The following RPS6KA2 variants were observed in gnomAD, a reference collection of about 807,000 sequenced individuals.
The protein encoded by RPS6KA2 is ribosomal protein S6 kinase A2.
RPS6KA2 carries 42 observed loss-of-function variants against 91.8 expected under a neutral mutation model. The ratio of observed to expected loss-of-function variants is 0.46; its 90% CI spans 0.36 to 0.59. RPS6KA2 has a LOEUF of 0.59. Among genes scored for constraint, RPS6KA2 ranks in the 20% least tolerant of loss-of-function variants. RPS6KA2 has a pLI of 0.00. For missense variants in RPS6KA2, 798 were observed against 978.5 expected, an observed-to-expected ratio of 0.82 and a Z score of 2.46; for synonymous variants, 414 against 393.6, an observed-to-expected ratio of 1.05 and a Z score of -0.61.
At chr6:166,717,701 C>A (rs758723194) in intron 2 of RPS6KA2, among the ~76,000 whole-genome samples, 1 of 152,108 alleles carries the variant, frequency 6.6e-6, no homozygotes, top group Non-Finnish European at 1.5e-5. Flanking sequence ...CCAGAGTGCA[C>A]CAGAAACACA....
chr6:166,812,053 C>T (rs914302524), intron 2 of RPS6KA2, among the ~76,000 whole-genome samples: 11 of 152,226 alleles, frequency 7.2e-5, no homozygotes, highest in African/African-American at 1.9e-4. Flanking sequence ...TCCTGGAAAA[C>T]GAGTGGATGA....
Position 166,493,412 on chromosome 6 carries a change from C to G in RPS6KA2, c.748-2671G>C, listed in dbSNP as rs766049705. Among the ~76,000 whole-genome samples the G allele has an allele frequency of 6.6e-6, 1 of 152,106 alleles. No homozygotes were observed. Among genetic ancestry groups the G allele is most frequent in the Non-Finnish European group, 1.5e-5 (1 of 68,028 alleles). Reference sequence around the variant, plus strand: ...CGAAGCATTACTGACTGAGGTTTTGCTGATGAGTTTCTTGGGACGTTATTT... The same window carrying G: ...CGAAGCATTACTGACTGAGGTTTTGGTGATGAGTTTCTTGGGACGTTATTT... On this transcript the variant is annotated intron_variant, in intron 8 of 20. Coordinates refer to ENST00000265678, the MANE Select transcript of RPS6KA2 (RefSeq NM_021135.6). The surrounding 1 kb of genome is among the most constrained non-coding windows in gnomAD (Gnocchi z 4.7).
At chr6:166,599,902 G>A (rs754573982) in intron 1 of RPS6KA2, among the ~76,000 whole-genome samples, 11 of 152,108 alleles carry the variant, frequency 7.2e-5, no homozygotes, top group Admixed American at 2.0e-4. Flanking sequence ...CCATCTCCCT[G>A]AGCCCTGCCT....
intron 10 of RPS6KA2, among the ~76,000 whole-genome samples, chr6:166,477,597 C>T (rs972751830): frequency 6.6e-6 from 1 of 152,166 alleles, no homozygotes; most frequent in African/African-American, 2.4e-5. Context: ...CCTCTCCCAG[C>T]AATATAATAA....
Position 166,560,298 on chromosome 6 carries a change from G to A in RPS6KA2, c.100-21514C>T, listed in dbSNP as rs1182225989. 5.9e-5 allele frequency among the ~76,000 whole-genome samples: 9 copies of A among 152,218 alleles called. 1 individual carries two copies. The highest frequency in any genetic ancestry group is 7.2e-5 in the African/African-American group (3 of 41,454). On this transcript the variant is annotated intron_variant, in intron 1 of 20. Coordinates refer to ENST00000265678, the MANE Select transcript of RPS6KA2 (RefSeq NM_021135.6). ...TTCAATGCGCTTACATGAAATACTG[G>A]TTTTTATTTCAAAGAACAACTAGTC...
chr6:166,804,181 T>A (rs1353188798), intron 2 of RPS6KA2, among the ~76,000 whole-genome samples: 4 of 147,048 alleles, frequency 2.7e-5, no homozygotes, highest in African/African-American at 5.0e-5. Context: ...AAAAAAAAAA[T>A]ACTTAACTAG....
intron 2 of RPS6KA2, among the ~76,000 whole-genome samples, chr6:166,835,734 A>G (rs1436287631): frequency 6.6e-6 from 1 of 152,176 alleles, no homozygotes; most frequent in East Asian, 1.9e-4. Context: ...TATAACTTAC[A>G]TTTCTTTTTT....
intron 2 of RPS6KA2, among the ~76,000 whole-genome samples, chr6:166,838,369 T>C (rs1780373713): frequency 6.6e-6 from 1 of 152,184 alleles, no homozygotes; most frequent in Admixed American, 6.5e-5. Context: ...AATAGCATTG[T>C]GCTTATGGAG....
chr6:166,609,997 T>G (rs1247732131), intron 1 of RPS6KA2, among the ~76,000 whole-genome samples: 3 of 152,234 alleles, frequency 2.0e-5, no homozygotes, highest in African/African-American at 7.2e-5. Context: ...TTTCTAATCA[T>G]TCCTACTCAT....
intron 10 of RPS6KA2, among the ~76,000 whole-genome samples, chr6:166,477,926 G>T (rs972676490): frequency 2.6e-5 from 4 of 152,190 alleles, no homozygotes; most frequent in Non-Finnish European, 5.9e-5. Context: ...GAAAGGAGAG[G>T]AAACAGTGAC....
Position 166,767,324 on chromosome 6 carries a change from A to G in RPS6KA2, c.123+90876T>C, listed in dbSNP as rs1446136526. On this transcript the variant is annotated intron_variant, in intron 2 of 21. Transcript: ENST00000503859. The surrounding 1 kb of genome is among the most constrained non-coding windows in gnomAD (Gnocchi z 4.6). ...GAGGCACGGAACGATTTGATGAAAA[A>G]GACAGAGGAAAACAGAAAAATCACT... Among the ~76,000 whole-genome samples the G allele has an allele frequency of 1.3e-5, 2 of 152,234 alleles. No homozygotes were observed. Among genetic ancestry groups the G allele is most frequent in the Non-Finnish European group, 2.9e-5 (2 of 68,042 alleles).
At position 166,612,615 on chromosome 6, in the gene RPS6KA2, G is replaced by C. The variant is rs1430052834; in HGVS notation, c.99+14306C>G. 1.3e-5 allele frequency among the ~76,000 whole-genome samples: 2 copies of C among 152,196 alleles called. No individual in the cohort carries two copies. The highest frequency in any genetic ancestry group is 4.8e-5 in the African/African-American group (2 of 41,444). On this transcript the variant is annotated intron_variant, in intron 1 of 20. Coordinates refer to ENST00000265678, the MANE Select transcript of RPS6KA2 (RefSeq NM_021135.6). The surrounding 1 kb of genome is among the most constrained non-coding windows in gnomAD (Gnocchi z 4.3). The stretch of plus-strand genomic sequence containing the variant: ...AATCCTGCTCATCTGACCGAGGTCA[G>C]ACACTGCTTTGCAGAGCCCGTGGGC...
chr6:166,703,149 A>G (rs1366141172), intron 2 of RPS6KA2, among the ~76,000 whole-genome samples: 1 of 152,262 alleles, frequency 6.6e-6, no homozygotes, highest in Non-Finnish European at 1.5e-5. Context: ...CTACCAAGCA[A>G]TACAGGGGCA....
intron 2 of RPS6KA2, among the ~76,000 whole-genome samples, chr6:166,658,331 G>A (rs1788059439): frequency 6.6e-6 from 1 of 152,198 alleles, no homozygotes; most frequent in African/African-American, 2.4e-5. Context: ...CCTGTGCACA[G>A]CCTTGGCCCA....
At chr6:166,455,287 C>T (rs1255422841) in intron 12 of RPS6KA2, among the ~76,000 whole-genome samples, 2 of 152,190 alleles carry the variant, frequency 1.3e-5, no homozygotes, top group Middle Eastern at 3.4e-3. Flanking sequence ...TGAGGGCAGC[C>T]GCTCCGAAGC....
chr6:166,532,315 C>G (rs1310278455), intron 2 of RPS6KA2, among the ~76,000 whole-genome samples: 1 of 152,238 alleles, frequency 6.6e-6, no homozygotes, highest in Non-Finnish European at 1.5e-5. Context: ...TCTTGGCTCC[C>G]CCCCAAGACT....
intron 2 of RPS6KA2, among the ~76,000 whole-genome samples, chr6:166,729,588 C>T (rs938253875): frequency 5.3e-5 from 8 of 152,188 alleles, no homozygotes; most frequent in African/African-American, 1.9e-4. Flanking sequence ...GCAGTCTGCC[C>T]ACCTTGGCCT....
At chr6:166,675,565 G>A (rs1225006155) in intron 2 of RPS6KA2, among the ~76,000 whole-genome samples, 2 of 151,732 alleles carry the variant, frequency 1.3e-5, no homozygotes, top group Non-Finnish European at 2.9e-5. Flanking sequence ...CTGCTGGGTG[G>A]TCCCCTCCAC....
At chr6:166,689,339 G>A (rs772598349) in intron 2 of RPS6KA2, among the ~76,000 whole-genome samples, 50 of 152,262 alleles carry the variant, frequency 3.3e-4, no homozygotes, top group Non-Finnish European at 6.6e-4. Context: ...CTCCTGCAGC[G>A]TTAGCAGAAC....
Sources: gnomAD v4.1 joint callset for allele counts (sites outside exome capture counted in the v4.1 genomes callset) on GRCh38, gnomAD v4.1.1 for gene constraint, Gnocchi (gnomAD v3.1) non-coding constraint, MANE v1.5 for transcripts, NCBI Gene and HGNC (gene_info 2026-07-23, HGNC 2026-07-21) for gene names.